Variants in FAM229B observed in about 807,000 individuals in gnomAD.
FAM229B encodes the protein family with sequence similarity 229 member B.
FAM229B carries 2 observed loss-of-function variants against 6.7 expected under a neutral mutation model. The observed-to-expected ratio is 0.30, with a 90% confidence interval of 0.12 to 0.94. The LOEUF is 0.94. Among genes scored for constraint, FAM229B ranks in the 40% least tolerant of loss-of-function variants. FAM229B has a pLI of 0.54. For missense variants in FAM229B, 93 were observed against 96.2 expected (o/e 0.97, Z 0.14); for synonymous variants, 29 against 34.0 (o/e 0.85, Z 0.51).
At chr6:112,092,004 T>C (rs1276298302) in intron 1 of FAM229B, among the ~76,000 whole-genome samples, 5 of 152,044 alleles carry the variant, frequency 3.3e-5, no homozygotes, top group Non-Finnish European at 7.4e-5. Flanking sequence ...AACTTAAAGA[T>C]GTAGCAATGG....
rs1554317671 is a variant in FAM229B, at chr6:112,087,709, G to A, written c.-187G>A. ...GAGCATCGGCAGCTCCGGAGGCCGG[G>A]GTAACTGGCAGGTAACTAGGCTTTG... On this transcript the variant is annotated 5_prime_UTR_variant, in exon 1 of 4. Transcript: ENST00000368656. 2.1e-6 allele frequency: 1 copy of A among 470,558 alleles called. No individual in the cohort carries two copies. The highest frequency in any genetic ancestry group is 2.0e-5 in the African/African-American group (1 of 50,102). 29.1% of individuals were successfully genotyped at this position (470,558 alleles called of 1,614,324 possible).
intron 1 of FAM229B, among the ~76,000 whole-genome samples, chr6:112,095,662 C>CCA (rs1777314475): frequency 1.0e-4 from 8 of 77,904 alleles, no homozygotes; most frequent in Admixed American, 1.4e-4. Flanking sequence ...AAAAAAAAAC[C>CCA]AAAAAAAAAA....
intron 1 of FAM229B, among the ~76,000 whole-genome samples, chr6:112,090,646 G>T (rs1025644035): frequency 2.0e-5 from 3 of 151,916 alleles, no homozygotes; most frequent in African/African-American, 7.3e-5. Flanking sequence ...AGGGGTGTCT[G>T]GGGGCTATGC....
At chr6:112,092,871 T>C (rs187984071) in intron 1 of FAM229B, among the ~76,000 whole-genome samples, 6 of 151,488 alleles carry the variant, frequency 4.0e-5, no homozygotes, top group Non-Finnish European at 8.9e-5. Flanking sequence ...AACCCTAAAG[T>C]AACACAAAAC....
At chr6:112,092,647 G>C (rs1336953397) in intron 1 of FAM229B, among the ~76,000 whole-genome samples, 1 of 151,926 alleles carries the variant, frequency 6.6e-6, no homozygotes. Context: ...AATATAGAAG[G>C]CATCTCTTGT....
At chr6:112,098,399 A>G (rs587711728) in intron 2 of FAM229B, among the ~76,000 whole-genome samples, 1 of 152,276 alleles carries the variant, frequency 6.6e-6, no homozygotes, top group African/African-American at 2.4e-5. Context: ...GCAGACATTT[A>G]TATATACTTA....
intron 1 of FAM229B, among the ~76,000 whole-genome samples, chr6:112,094,517 A>G (rs1777297746): frequency 6.6e-6 from 1 of 151,034 alleles, no homozygotes; most frequent in Non-Finnish European, 1.5e-5. Flanking sequence ...TTTGTCTCCC[A>G]CTCATTTCCA....
At chr6:112,088,281 G>T (rs1583601981) in intron 1 of FAM229B, among the ~76,000 whole-genome samples, 1 of 152,166 alleles carries the variant, frequency 6.6e-6, no homozygotes, top group African/African-American at 2.4e-5. Flanking sequence ...GATGGGATAG[G>T]CAGGAGAAGA....
intron 1 of FAM229B, among the ~76,000 whole-genome samples, chr6:112,092,668 A>G (rs144018835): frequency 6.6e-5 from 10 of 152,068 alleles, no homozygotes; most frequent in African/African-American, 1.7e-4. Context: ...TTTAAAGACA[A>G]TTGCTTAAAG....
intron 2 of FAM229B, among the ~76,000 whole-genome samples, chr6:112,098,850 T>G (rs1300456481): frequency 6.6e-6 from 1 of 152,242 alleles, no homozygotes; most frequent in Non-Finnish European, 1.5e-5. Flanking sequence ...TTTCCTTGCG[T>G]TGCTTGGTGG....
chr6:112,092,202 A>G (rs1162791221), intron 1 of FAM229B, among the ~76,000 whole-genome samples: 1 of 152,150 alleles, frequency 6.6e-6, no homozygotes, highest in Non-Finnish European at 1.5e-5. Context: ...CCACAGATCC[A>G]AGAAGCTCGG....
chr6:112,092,692 G>A (rs1169795506), intron 1 of FAM229B, among the ~76,000 whole-genome samples: 1 of 151,960 alleles, frequency 6.6e-6, no homozygotes, highest in Non-Finnish European at 1.5e-5. Context: ...AATGTATAAC[G>A]ACATGCATGG....
chr6:112,097,570 T>C (rs967244529), intron 2 of FAM229B, among the ~76,000 whole-genome samples: 12 of 150,454 alleles, frequency 8.0e-5, no homozygotes, highest in African/African-American at 2.5e-4. Flanking sequence ...GCTGAAAACA[T>C]TGTGTACTAA....
chr6:112,087,731 T>G lies in FAM229B; in HGVS notation c.-176+11T>G. 1 of 437,766 alleles carries G rather than the reference T, an allele frequency of 2.3e-6. No individual in the cohort carries two copies. Among genetic ancestry groups the G allele is most frequent in the Non-Finnish European group, 4.1e-6 (1 of 245,726 alleles). The allele number at this position is 437,766 out of a possible 1,614,324, so 27.1% of individuals were successfully genotyped here. On this transcript the variant is annotated intron_variant, in intron 1 of 3. Coordinates refer to ENST00000368656, the MANE Select transcript of FAM229B (RefSeq NM_001033564.3). ...CGGGGTAACTGGCAGGTAACTAGGCTTTGGAGTGGTATTTTAAAATATGTG... is the reference window on the plus strand; with the variant it reads ...CGGGGTAACTGGCAGGTAACTAGGCGTTGGAGTGGTATTTTAAAATATGTG...
intron 1 of FAM229B, among the ~76,000 whole-genome samples, chr6:112,095,672 A>G (rs1583605888): frequency 7.4e-6 from 1 of 135,746 alleles, no homozygotes; most frequent in African/African-American, 3.6e-5. Context: ...CAAAAAAAAA[A>G]AAAAAGAAAA....
chr6:112,090,203 G>T (rs1327338252), intron 1 of FAM229B, among the ~76,000 whole-genome samples: 1 of 137,266 alleles, frequency 7.3e-6, no homozygotes, highest in Non-Finnish European at 1.6e-5. Context: ...CAGAGTTGTG[G>T]GTGGTCTGTT....
intron 2 of FAM229B, among the ~76,000 whole-genome samples, chr6:112,097,996 AT>A (rs1315400146): frequency 1.3e-5 from 2 of 152,114 alleles, no homozygotes; most frequent in African/African-American, 4.8e-5. Flanking sequence ...GGCTGTCACA[AT>A]TTTGGGAGAG....
At chr6:112,093,676 A>G (rs1174257403) in intron 1 of FAM229B, among the ~76,000 whole-genome samples, 1 of 152,150 alleles carries the variant, frequency 6.6e-6, no homozygotes, top group Non-Finnish European at 1.5e-5. Context: ...TCTGACAAAA[A>G]TGGAACCTAA....
chr6:112,100,652 A>T lies in FAM229B; in HGVS notation c.126-18A>T. 2 of 1,554,692 alleles carry T rather than the reference A, an allele frequency of 1.3e-6. No homozygotes were observed. Among genetic ancestry groups the T allele is most frequent in the South Asian group, 1.1e-5 (1 of 89,400 alleles). On this transcript the variant is annotated intron_variant, in intron 3 of 3. Transcript: ENST00000368656. The stretch of plus-strand genomic sequence containing the variant: ...TCTTTTTAGTATCTAACTACATGTC[A>T]TCTGCTTTTTTATTCAGGCAACTCC...
Sources: gnomAD v4.1 joint callset for allele counts (sites outside exome capture counted in the v4.1 genomes callset) on GRCh38, gnomAD v4.1.1 for gene constraint, MANE v1.5 for transcripts, NCBI Gene and HGNC (gene_info 2026-07-23, HGNC 2026-07-21) for gene names.